Variants in USP6NL observed in about 807,000 individuals in gnomAD.
The protein encoded by USP6NL is USP6 N-terminal-like protein.
USP6NL carries 26 observed loss-of-function variants against 61.9 expected under a neutral mutation model. The observed-to-expected ratio is 0.42, with a 90% CI of 0.31 to 0.58. The LOEUF is 0.58. Among genes scored for constraint, USP6NL ranks in the 20% least tolerant of loss-of-function variants. The pLI, the probability that USP6NL is intolerant of heterozygous loss-of-function variation, is 0.16. For synonymous variants in USP6NL, 432 were observed against 390.1 expected, an observed-to-expected ratio of 1.11 and a Z score of -1.27; for missense variants, 1,114 against 1,034.3, an observed-to-expected ratio of 1.08 and a Z score of -1.06.
chr10:11,599,436 A>G (rs149231519), intron 1 of USP6NL, among the ~76,000 whole-genome samples: 104 of 152,320 alleles, frequency 6.8e-4, no homozygotes, highest in African/African-American at 2.3e-3. Context: ...GAGCCAAAGA[A>G]ATACTTATTC....
intron 2 of USP6NL, among the ~76,000 whole-genome samples, chr10:11,557,370 G>C (rs537788109): frequency 2.0e-5 from 3 of 152,160 alleles, no homozygotes; most frequent in African/African-American, 7.2e-5. Flanking sequence ...ATAGCAATTA[G>C]AATTTGTTAC....
At position 11,528,847 on chromosome 10, in the gene USP6NL, T is replaced by A. The variant is rs1835528704; in HGVS notation, c.5-1280A>T. 6.6e-6 allele frequency among the ~76,000 whole-genome samples: 1 copy of A among 152,034 alleles called. No homozygotes were observed. Among genetic ancestry groups the A allele is most frequent in the African/African-American group, 2.4e-5 (1 of 41,382 alleles). ...AAACAAGGGAGCTGAGTAAAGGAAG[T>A]CAAATCCCTGAAAGTTGAAGGGACA... On this transcript the variant is annotated intron_variant, in intron 2 of 14. Coordinates refer to ENST00000609104, the MANE Select transcript of USP6NL (RefSeq NM_014688.5). This position sits in a 1 kb window ranked among gnomAD's most constrained non-coding sequence, Gnocchi z 4.6.
chr10:11,590,964 A>G (rs1266605251), intron 2 of USP6NL, among the ~76,000 whole-genome samples: 2 of 152,174 alleles, frequency 1.3e-5, no homozygotes, highest in Non-Finnish European at 2.9e-5. Context: ...TACTCCTATA[A>G]GACAAAATTA....
At chr10:11,493,338 C>G (rs1833781796) in intron 7 of USP6NL, 110 bp from the exon 8 acceptor site, 5 of 879,096 alleles carry the variant, frequency 5.7e-6, no homozygotes, top group African/African-American at 5.1e-5. Context: ...AAAAATCACT[C>G]AATGGTTAAA....
In USP6NL at chr10:11,495,137, C is replaced by T. The variant is rs1833864747; in HGVS notation, c.385-1909G>A. Among the ~76,000 whole-genome samples the T allele has an allele frequency of 6.6e-6, 1 of 152,234 alleles. No individual in the cohort carries two copies. Among genetic ancestry groups the T allele is most frequent in the Admixed American group, 6.5e-5 (1 of 15,286 alleles). Reference sequence around the variant, plus strand: ...CTAGACCAAGGAGCCCTCTGGTGGCCCTGTCCGGGCATAACAGAAGGTTCG... The same window carrying T: ...CTAGACCAAGGAGCCCTCTGGTGGCTCTGTCCGGGCATAACAGAAGGTTCG... On this transcript the variant is annotated intron_variant, in intron 7 of 14. Coordinates refer to ENST00000609104, the MANE Select transcript of USP6NL (RefSeq NM_014688.5). The surrounding 1 kb of genome is among the most constrained non-coding windows in gnomAD (Gnocchi z 4.6).
At chr10:11,568,901 TAAGA>T (rs935140431) in intron 2 of USP6NL, among the ~76,000 whole-genome samples, 49 of 152,350 alleles carry the variant, frequency 3.2e-4, no homozygotes, top group African/African-American at 8.4e-4. Flanking sequence ...GCTTACATCT[TAAGA>T]AAGAGAGTTC....
In USP6NL at chr10:11,481,864, T is replaced by C. The variant is rs1423771397; in HGVS notation, c.984A>G (p.Ala328=). The change falls in exon 14 of 15, where the codon GCA becomes GCG. Residue 328 remains alanine (A), a synonymous_variant. Coordinates refer to ENST00000609104, the MANE Select transcript of USP6NL (RefSeq NM_014688.5). The surrounding 1 kb of genome is among the most constrained non-coding windows in gnomAD (Gnocchi z 4.4). ...ELVEFFQETL[A]KDFFFEDDFV... ...AATCATCTTCAAAGAAAAAATCCTTTGCCAGGGTCTCCTGAAAAAATTCTA... is the reference window on the plus strand; with the variant it reads ...AATCATCTTCAAAGAAAAAATCCTTCGCCAGGGTCTCCTGAAAAAATTCTA... 2 of 1,612,644 alleles carry C rather than the reference T, an allele frequency of 1.2e-6. No homozygotes were observed. Among genetic ancestry groups the C allele is most frequent in the African/African-American group, 1.3e-5 (1 of 74,898 alleles).
intron 2 of USP6NL, among the ~76,000 whole-genome samples, chr10:11,590,190 A>G (rs926679473): frequency 1.3e-5 from 2 of 152,236 alleles, no homozygotes; most frequent in Non-Finnish European, 2.9e-5. Flanking sequence ...AGCTTTAAAG[A>G]GAAGCTGAAA....
chr10:11,490,689 C>T lies in USP6NL; in HGVS notation c.543+143G>A, dbSNP rs1833678322. 4 of 810,654 alleles carry T rather than the reference C, an allele frequency of 4.9e-6. No homozygotes were observed. Among genetic ancestry groups the T allele is most frequent in the Non-Finnish European group, 7.8e-6 (4 of 515,342 alleles). The allele number at this position is 810,654 out of a possible 1,614,324, so 50.2% of individuals were successfully genotyped here. On this transcript the variant is annotated intron_variant, in intron 9 of 14. Transcript: ENST00000609104. This position sits in a 1 kb window ranked among gnomAD's most constrained non-coding sequence, Gnocchi z 4.5. ...AGGCCCTAGGGTTATCACAGGGTTT[C>T]AGCTTAAAAAGATCCACAGAGCTAA...
At chr10:11,526,194 C>T (rs1566158382) in intron 3 of USP6NL, among the ~76,000 whole-genome samples, 1 of 152,186 alleles carries the variant, frequency 6.6e-6, no homozygotes, top group African/African-American at 2.4e-5. Context: ...ATCTAGGTAT[C>T]ATTTACTCTT....
chr10:11,472,778 TA>T (rs894361590), intron 14 of USP6NL, among the ~76,000 whole-genome samples: 10 of 152,220 alleles, frequency 6.6e-5, no homozygotes, highest in Non-Finnish European at 5.9e-5. Context: ...ATAATTTTTT[TA>T]AAGTTCAAAA....
chr10:11,527,652 C>CA (rs1835474993), intron 2 of USP6NL, 85 bp from the exon 3 acceptor site: 2 of 1,217,726 alleles, frequency 1.6e-6, no homozygotes, highest in South Asian at 1.4e-5. Context: ...CATAATAAAA[C>CA]AAAAAATAAA....
chr10:11,546,121 T>TGCA (rs1836264164), intron 2 of USP6NL, among the ~76,000 whole-genome samples: 1 of 152,226 alleles, frequency 6.6e-6, no homozygotes, highest in Non-Finnish European at 1.5e-5. Context: ...AAGGCTCTTT[T>TGCA]TAAGTACTGA....
At chr10:11,599,395 T>G (rs1405626837) in intron 1 of USP6NL, among the ~76,000 whole-genome samples, 1 of 152,242 alleles carries the variant, frequency 6.6e-6, no homozygotes, top group Non-Finnish European at 1.5e-5. Flanking sequence ...TTGTGCGATG[T>G]AGCACACTGC....
chr10:11,558,834 T>C (rs2133523046), intron 2 of USP6NL, among the ~76,000 whole-genome samples: 1 of 151,810 alleles, frequency 6.6e-6, no homozygotes, highest in Non-Finnish European at 1.5e-5. Context: ...TCCTGGAGTT[T>C]TTGACAATGC....
At chr10:11,505,352 A>G (rs1834387528) in intron 6 of USP6NL, among the ~76,000 whole-genome samples, 1 of 152,172 alleles carries the variant, frequency 6.6e-6, no homozygotes, top group Non-Finnish European at 1.5e-5. Flanking sequence ...ATTCATTGTA[A>G]TATTACTGCA....
At chr10:11,494,529 G>C (rs1186372762) in intron 7 of USP6NL, among the ~76,000 whole-genome samples, 3 of 152,196 alleles carry the variant, frequency 2.0e-5, no homozygotes, top group Non-Finnish European at 2.9e-5. Flanking sequence ...TAAAAGAAAA[G>C]ACAGCTGGGC....
chr10:11,463,331 T>C lies in USP6NL; in HGVS notation c.1597A>G (p.Lys533Glu). 1 of 1,613,936 alleles carries C rather than the reference T, an allele frequency of 6.2e-7. No homozygotes were observed. The highest frequency in any genetic ancestry group is 8.5e-7 in the Non-Finnish European group (1 of 1,179,890). The change falls in exon 15 of 15, where the codon AAG (lysine) becomes GAG (glutamate). Residue 533 changes from lysine to glutamate, a missense_variant. Lys to Glu is a moderately conservative substitution (Grantham distance 56). Transcript: ENST00000609104. This position sits in a 1 kb window ranked among gnomAD's most constrained non-coding sequence, Gnocchi z 6.3. Reference protein sequence around the residue: ...AEVRVSNVRPKMKALDAEDGK... With the variant: ...AEVRVSNVRPEMKALDAEDGK... ...TCCTCAGCATCCAGGGCCTTCATCT[T>C]TGGCCGCACGTTTGACACCCGCACC...
At chr10:11,572,621 GCTTTA>G (rs1438439928) in intron 2 of USP6NL, among the ~76,000 whole-genome samples, 1 of 151,866 alleles carries the variant, frequency 6.6e-6, no homozygotes, top group African/African-American at 2.4e-5. Context: ...AATCTCATAA[GCTTTA>G]CTTTAAAACA....
Sources: allele counts gnomAD v4.1 joint callset (sites outside exome capture counted in the v4.1 genomes callset), GRCh38; gene constraint gnomAD v4.1.1; non-coding constraint Gnocchi (gnomAD v3.1); transcripts MANE v1.5; gene names NCBI Gene and HGNC (gene_info 2026-07-23, HGNC 2026-07-21).